Variants in ZBTB20 observed in about 807,000 individuals in gnomAD.
ZBTB20 encodes zinc finger and BTB domain containing 20.
Under a neutral mutation model 56.9 loss-of-function variants are expected in ZBTB20, and 9 were observed. The ratio of observed to expected loss-of-function variants is 0.16; its 90% CI spans 0.10 to 0.28. ZBTB20 has a LOEUF of 0.28. ZBTB20 is among the 10% of genes least tolerant of loss of function. ZBTB20 has a pLI of 1.00. For synonymous variants in ZBTB20, 417 were observed against 420.7 expected, an observed-to-expected ratio of 0.99 and a Z score of 0.11; for missense variants, 655 against 1,003.0, an observed-to-expected ratio of 0.65 and a Z score of 4.69.
At chr3:114,691,194 A>C (rs1165229693) in intron 6 of ZBTB20, among the ~76,000 whole-genome samples, 1 of 152,180 alleles carries the variant, frequency 6.6e-6, no homozygotes, top group African/African-American at 2.4e-5. Flanking sequence ...GATACTATGA[A>C]GAAAAATACT....
At chr3:115,112,682 T>A (rs916308267) in intron 1 of ZBTB20, among the ~76,000 whole-genome samples, 2 of 152,138 alleles carry the variant, frequency 1.3e-5, no homozygotes. Context: ...ATATGCCACA[T>A]TTTTTTATCC....
chr3:114,903,216 T>C (rs1279977899), intron 3 of ZBTB20, among the ~76,000 whole-genome samples: 1 of 152,116 alleles, frequency 6.6e-6, no homozygotes, highest in African/African-American at 2.4e-5. Flanking sequence ...AGTTCTGTGA[T>C]CCTAAGCAAT....
At chr3:115,050,568 C>T (rs1323003360) in intron 2 of ZBTB20, among the ~76,000 whole-genome samples, 3 of 151,860 alleles carry the variant, frequency 2.0e-5, no homozygotes, top group African/African-American at 7.3e-5. Context: ...AATTATGATA[C>T]TTTAAAGAAT....
Position 114,350,254 on chromosome 3 carries a change from C to G in ZBTB20, c.1804+20G>C. On this transcript the variant is annotated intron_variant, in intron 11 of 11. Coordinates refer to ENST00000675478, the MANE Select transcript of ZBTB20 (RefSeq NM_001348800.3). ...CCCCTCAGCCCCTGCTGCCAGGCCTCCAGGTGGGGTGACACTCACCTGTGT... is the reference window on the plus strand; with the variant it reads ...CCCCTCAGCCCCTGCTGCCAGGCCTGCAGGTGGGGTGACACTCACCTGTGT... 1 of 1,575,298 alleles carries G rather than the reference C, an allele frequency of 6.3e-7. No homozygotes were observed. The highest frequency in any genetic ancestry group is 1.2e-5 in the South Asian group (1 of 85,356).
In ZBTB20 at chr3:114,336,485, C is replaced by T. The variant is rs1036322265; in HGVS notation, c.*2520G>A. 1.3e-5 allele frequency: 2 copies of T among 152,162 alleles called. No individual in the cohort carries two copies. The highest frequency in any genetic ancestry group is 2.9e-5 in the Non-Finnish European group (2 of 68,018). 9.4% of individuals were successfully genotyped at this position (152,162 alleles called of 1,614,324 possible). On this transcript the variant is annotated 3_prime_UTR_variant, in exon 12 of 12. Transcript: ENST00000675478. Reference sequence around the variant, plus strand: ...TCCTCTTAGAAATCACAATAGGTTACACTTAATAGTCAGTTAACCACCCAA... The same window carrying T: ...TCCTCTTAGAAATCACAATAGGTTATACTTAATAGTCAGTTAACCACCCAA...
chr3:115,038,029 G>A (rs2080999087), intron 2 of ZBTB20, among the ~76,000 whole-genome samples: 1 of 152,184 alleles, frequency 6.6e-6, no homozygotes, highest in South Asian at 2.1e-4. Flanking sequence ...TTCAAACAAT[G>A]AAGTTTCACA....
intron 6 of ZBTB20, among the ~76,000 whole-genome samples, chr3:114,557,246 T>C (rs2051352831): frequency 6.6e-6 from 1 of 151,908 alleles, no homozygotes; most frequent in Non-Finnish European, 1.5e-5. Context: ...GATAGGATAA[T>C]TTATATTCTT....
intron 1 of ZBTB20, among the ~76,000 whole-genome samples, chr3:115,112,956 G>A (rs1161411251): frequency 6.6e-6 from 1 of 152,082 alleles, no homozygotes; most frequent in Non-Finnish European, 1.5e-5. Flanking sequence ...ACCAGCATCT[G>A]TTATTTTCTG....
rs79228231 is a variant in ZBTB20, at chr3:114,586,054, G to A, written c.-294-85663C>T. Among the ~76,000 whole-genome samples the A allele has an allele frequency of 2.4e-4, 37 of 152,282 alleles. No individual in the cohort carries two copies. The East Asian group carries it at 6.6e-3, about 27-fold the overall frequency. On this transcript the variant is annotated intron_variant, in intron 6 of 11. Coordinates refer to ENST00000675478, the MANE Select transcript of ZBTB20 (RefSeq NM_001348800.3). The stretch of plus-strand genomic sequence containing the variant: ...AGCAAGTCATTTGTGCAACTGGTGC[G>A]CTCCTGTTTTTATCTGTTTACCATT...
At position 114,599,943 on chromosome 3, in the gene ZBTB20, G is replaced by A. The variant is rs528658658; in HGVS notation, c.-295+93585C>T. On this transcript the variant is annotated intron_variant, in intron 6 of 11. Coordinates refer to ENST00000675478, the MANE Select transcript of ZBTB20 (RefSeq NM_001348800.3). Reference sequence around the variant, plus strand: ...TGGGGGGTGAAGGGGAGTGGGAAGAGAAAGAGAGCGAGCGAGCACATAAGA... The same window carrying A: ...TGGGGGGTGAAGGGGAGTGGGAAGAAAAAGAGAGCGAGCGAGCACATAAGA... Among the ~76,000 whole-genome samples, 9 of 152,022 alleles carry A rather than the reference G, an allele frequency of 5.9e-5. No homozygotes were observed. In the Middle Eastern group the frequency reaches 0.01, roughly 172 times the overall value.
intron 4 of ZBTB20, among the ~76,000 whole-genome samples, chr3:114,817,557 A>T (rs1183434750): frequency 6.8e-6 from 1 of 148,054 alleles, no homozygotes; most frequent in Non-Finnish European, 1.5e-5. Flanking sequence ...ATAAATAAAT[A>T]AATAAATATC....
chr3:114,399,793 G>T (rs1331526102), intron 7 of ZBTB20, among the ~76,000 whole-genome samples: 1 of 152,068 alleles, frequency 6.6e-6, no homozygotes, highest in Non-Finnish European at 1.5e-5. Context: ...TGTTCTGGGT[G>T]AAGCCTGAGA....
chr3:114,380,805 G>T lies in ZBTB20; in HGVS notation c.-18C>A, dbSNP rs1177992026. 1 of 1,509,236 alleles carries T rather than the reference G, an allele frequency of 6.6e-7. No homozygotes were observed. The highest frequency in any genetic ancestry group is 8.8e-7 in the Non-Finnish European group (1 of 1,137,196). The allele number at this position is 1,509,236 out of a possible 1,614,324, so 93.5% of individuals were successfully genotyped here. ...TCTAGCATTTGTCAGGAAGCTTAGA[G>T]ACAGGACTCGTGGAGTAATGGGAGG... On this transcript the variant is annotated 5_prime_UTR_variant, in exon 9 of 12. Coordinates refer to ENST00000675478, the MANE Select transcript of ZBTB20 (RefSeq NM_001348800.3).
At chr3:114,922,174 C>T (rs1024094260) in intron 3 of ZBTB20, among the ~76,000 whole-genome samples, 2 of 152,054 alleles carry the variant, frequency 1.3e-5, no homozygotes, top group Admixed American at 6.6e-5. Flanking sequence ...ACAGAAGGAA[C>T]GTACCTCAAC....
rs560858155 is a variant in ZBTB20, at chr3:114,612,499, T to C, written c.-295+81029A>G. Among the ~76,000 whole-genome samples the C allele has an allele frequency of 4.4e-4, 67 of 152,234 alleles. 1 individual carries two copies. Among genetic ancestry groups the C allele is most frequent in the South Asian group, 3.9e-3 (19 of 4,828 alleles). ...ACCACTTCTAACAAAATTTTCTCCA[T>C]CGTTTTATTAAAAAAAAGTCCAAAA... On this transcript the variant is annotated intron_variant, in intron 6 of 11. Coordinates refer to ENST00000675478, the MANE Select transcript of ZBTB20 (RefSeq NM_001348800.3).
intron 2 of ZBTB20, among the ~76,000 whole-genome samples, chr3:115,063,888 T>G (rs1192220421): frequency 1.3e-5 from 2 of 152,188 alleles, no homozygotes; most frequent in Non-Finnish European, 2.9e-5. Context: ...CTTAGTTCTT[T>G]GATACTACCT....
intron 6 of ZBTB20, among the ~76,000 whole-genome samples, chr3:114,512,017 T>C (rs1399974895): frequency 1.3e-5 from 2 of 152,118 alleles, no homozygotes; most frequent in South Asian, 2.1e-4. Flanking sequence ...TCCTGCCCAG[T>C]AGACTTTTTC....
chr3:114,988,782 T>C (rs1576499005), intron 2 of ZBTB20, among the ~76,000 whole-genome samples: 1 of 152,232 alleles, frequency 6.6e-6, no homozygotes, highest in African/African-American at 2.4e-5. Context: ...GACTTTTTAA[T>C]GATCGCCATT....
At chr3:114,773,355 T>G (rs2069352548) in intron 5 of ZBTB20, among the ~76,000 whole-genome samples, 1 of 152,010 alleles carries the variant, frequency 6.6e-6, no homozygotes, top group South Asian at 2.1e-4. Context: ...CAACATACTA[T>G]CCCAGTCCAA....
Sources: allele counts gnomAD v4.1 joint callset (sites outside exome capture counted in the v4.1 genomes callset), GRCh38; gene constraint gnomAD v4.1.1; transcripts MANE v1.5; gene names NCBI Gene and HGNC (gene_info 2026-07-23, HGNC 2026-07-21).